The following RAB27B variants were observed in gnomAD, a reference collection of about 807,000 sequenced individuals.
RAB27B encodes ras-related protein Rab-27B.
Under a neutral mutation model 24.6 loss-of-function variants are expected in RAB27B, and 15 were observed. The ratio of observed to expected loss-of-function variants is 0.61; its 90% CI spans 0.41 to 0.94. RAB27B has a LOEUF of 0.94. Ranked by LOEUF, RAB27B falls within the 40% of genes least tolerant of loss-of-function variation. The pLI is 0.00. For synonymous variants in RAB27B, 105 were observed against 92.5 expected (o/e 1.14, Z -0.78); for missense variants, 261 against 266.8 (o/e 0.98, Z 0.15).
chr18:54,806,435 C>CAT (rs938476082), intron 2 of RAB27B, among the ~76,000 whole-genome samples: 11 of 147,412 alleles, frequency 7.5e-5, no homozygotes, highest in African/African-American at 2.5e-4. Context: ...CAAATGAATA[C>CAT]ATATATATAA....
chr18:54,779,001 A>G (rs1908806031), intron 2 of RAB27B, among the ~76,000 whole-genome samples: 2 of 151,996 alleles, frequency 1.3e-5, no homozygotes, highest in Non-Finnish European at 2.9e-5. Context: ...CACCACACCC[A>G]GCTAATTTTT....
chr18:54,873,836 G>A (rs4801104), intron 1 of RAB27B, among the ~76,000 whole-genome samples: 137,372 of 152,060 alleles, frequency 0.9, 63,692 homozygotes, highest in East Asian at 1. Context: ...GAAGTGAACT[G>A]TCTCATACCT....
chr18:54,846,077 T>C (rs1215973555), intron 1 of RAB27B, among the ~76,000 whole-genome samples: 1 of 152,164 alleles, frequency 6.6e-6, no homozygotes, highest in Non-Finnish European at 1.5e-5. Flanking sequence ...TTTCGAGTGG[T>C]GGTTTCTCTG....
intron 1 of RAB27B, among the ~76,000 whole-genome samples, chr18:54,838,944 G>A (rs1176654736): frequency 6.6e-6 from 1 of 152,054 alleles, no homozygotes; most frequent in Non-Finnish European, 1.5e-5. Flanking sequence ...TTGTTAGTAA[G>A]TAAGCTAACA....
chr18:54,813,992 A>AT (rs1910046524), intron 2 of RAB27B, among the ~76,000 whole-genome samples: 1 of 152,228 alleles, frequency 6.6e-6, no homozygotes, highest in Non-Finnish European at 1.5e-5. Flanking sequence ...ATATGTGCAC[A>AT]TTTCAACAAA....
intron 1 of RAB27B, among the ~76,000 whole-genome samples, chr18:54,856,992 T>G (rs1383518766): frequency 1.3e-5 from 2 of 152,236 alleles, no homozygotes; most frequent in Admixed American, 6.5e-5. Context: ...TGTACATGCA[T>G]TTCCATTTTC....
chr18:54,879,301 G>A, intron 2 of RAB27B, 68 bp from the exon 3 acceptor site: 1 of 1,183,988 alleles, frequency 8.4e-7, no homozygotes, highest in Non-Finnish European at 1.3e-6. Context: ...CATGCTGAGT[G>A]AACCCAAAGA....
Position 54,890,525 on chromosome 18 carries a change from A to C in RAB27B, c.*1112A>C, listed in dbSNP as rs1325526483. On this transcript the variant is annotated 3_prime_UTR_variant, in exon 6 of 6. Coordinates refer to ENST00000262094, the MANE Select transcript of RAB27B (RefSeq NM_004163.4). ...AACTAAATCATATTTCTTCCCTCCA[A>C]ATTTCACCCATTCCTGACTTTGAAT... The C allele has an allele frequency of 6.6e-6, 1 of 152,150 alleles. No individual in the cohort carries two copies. The highest frequency in any genetic ancestry group is 2.4e-5 in the African/African-American group (1 of 41,444). The allele number at this position is 152,150 out of a possible 1,614,324, so 9.4% of individuals were successfully genotyped here.
chr18:54,859,508 A>T (rs1289538780), intron 1 of RAB27B, among the ~76,000 whole-genome samples: 1 of 151,340 alleles, frequency 6.6e-6, no homozygotes, highest in Non-Finnish European at 1.5e-5. Flanking sequence ...AAAATCACCT[A>T]TTCGAAAGCT....
At chr18:54,793,691 A>G (rs1458472768) in intron 2 of RAB27B, among the ~76,000 whole-genome samples, 1 of 152,240 alleles carries the variant, frequency 6.6e-6, no homozygotes, top group Non-Finnish European at 1.5e-5. Context: ...GGCTGAAAAC[A>G]CCACTGGTGA....
chr18:54,797,462 G>A lies in RAB27B; in HGVS notation c.-20+79321G>A, dbSNP rs112257693. Among the ~76,000 whole-genome samples, 175 of 152,316 alleles carry A rather than the reference G, an allele frequency of 1.1e-3. 1 individual carries two copies. The highest frequency in any genetic ancestry group is 4.1e-3 in the African/African-American group (170 of 41,568). ...CCCTGGGAGGTGGAGGTTGCAGTGA[G>A]CTGAGATTGCACCACTGCACTCCAA... is the stretch of plus-strand genomic sequence containing the variant. On this transcript the variant is annotated intron_variant, in intron 2 of 4. Coordinates refer to the RAB27B transcript ENST00000586570.
At chr18:54,876,268 CAT>C (rs1419535130) in intron 1 of RAB27B, among the ~76,000 whole-genome samples, 1 of 152,162 alleles carries the variant, frequency 6.6e-6, no homozygotes, top group Non-Finnish European at 1.5e-5. Context: ...TCTCCCTTGA[CAT>C]GTGGGGATTA....
chr18:54,751,411 G>T (rs1415829802), intron 2 of RAB27B, among the ~76,000 whole-genome samples: 1 of 152,156 alleles, frequency 6.6e-6, no homozygotes, highest in Non-Finnish European at 1.5e-5. Context: ...TGATCAATTT[G>T]CTTTTGGACA....
chr18:54,766,069 T>G (rs1459314856), intron 2 of RAB27B, among the ~76,000 whole-genome samples: 1 of 152,224 alleles, frequency 6.6e-6, no homozygotes, highest in Non-Finnish European at 1.5e-5. Flanking sequence ...TTAGAATGAA[T>G]GGTCAACAAT....
Position 54,891,206 on chromosome 18 carries a change from G to A in RAB27B, c.*1793G>A, listed in dbSNP as rs1913355431. ...GAAACACAGACAGATCCAAGGAAATGTCTCTTTATAATGTTCTTAGGATGG... is the reference window on the plus strand; with the variant it reads ...GAAACACAGACAGATCCAAGGAAATATCTCTTTATAATGTTCTTAGGATGG... On this transcript the variant is annotated 3_prime_UTR_variant, in exon 6 of 6. Transcript: ENST00000262094. The A allele has an allele frequency of 6.6e-6, 1 of 152,200 alleles. No homozygotes were observed. The highest frequency in any genetic ancestry group is 1.9e-4 in the East Asian group (1 of 5,178). 9.4% of individuals were successfully genotyped at this position (152,200 alleles called of 1,614,324 possible).
At chr18:54,770,466 C>T (rs375071155) in intron 2 of RAB27B, among the ~76,000 whole-genome samples, 35 of 151,980 alleles carry the variant, frequency 2.3e-4, no homozygotes, top group African/African-American at 7.3e-4. Context: ...CATCACCCCC[C>T]AGATGGGACC....
intron 2 of RAB27B, among the ~76,000 whole-genome samples, chr18:54,734,789 C>A (rs1909840437): frequency 1.3e-5 from 2 of 152,148 alleles, no homozygotes; most frequent in African/African-American, 4.8e-5. Context: ...CTAAGTATTT[C>A]TAGCATCTCT....
At chr18:54,864,713 T>C (rs550980728) in intron 1 of RAB27B, among the ~76,000 whole-genome samples, 12 of 152,312 alleles carry the variant, frequency 7.9e-5, no homozygotes, top group African/African-American at 2.9e-4. Flanking sequence ...TGACCATAAA[T>C]GTAAGAGTTT....
upstream of RAB27B, among the ~76,000 whole-genome samples, chr18:54,825,868 C>G (rs1910454431): frequency 6.6e-6 from 1 of 152,208 alleles, no homozygotes. Flanking sequence ...TGGCCTCCTT[C>G]TATGCTGAGA....
Sources: allele counts gnomAD v4.1 joint callset (sites outside exome capture counted in the v4.1 genomes callset), GRCh38; gene constraint gnomAD v4.1.1; transcripts MANE v1.5; gene names NCBI Gene and HGNC (gene_info 2026-07-23, HGNC 2026-07-21).